KCNAB2: variants seen among roughly 807,000 people sequenced by gnomAD.
The protein encoded by KCNAB2 is voltage-gated potassium channel subunit beta-2.
A neutral mutation model predicts 63.6 loss-of-function variants in KCNAB2; 29 were observed. The ratio of observed to expected loss-of-function variants is 0.46; its 90% CI spans 0.34 to 0.62. KCNAB2 has a LOEUF of 0.62. KCNAB2 is among the 20% of genes least tolerant of loss of function. KCNAB2 has a pLI of 0.01. For synonymous variants in KCNAB2, 222 were observed against 224.2 expected (o/e 0.99, Z 0.09); for missense variants, 359 against 563.9 (o/e 0.64, Z 3.68).
intron 1 of KCNAB2, among the ~76,000 whole-genome samples, chr1:6,039,433 G>T (rs1201372764): frequency 1.3e-5 from 2 of 152,190 alleles, no homozygotes; most frequent in Non-Finnish European, 2.9e-5. Flanking sequence ...GGGGACCCAG[G>T]GGTTCAGGTG....
chr1:6,007,968 C>G (rs1265492549), intron 1 of KCNAB2, among the ~76,000 whole-genome samples: 4 of 152,142 alleles, frequency 2.6e-5, no homozygotes, highest in African/African-American at 4.8e-5. Flanking sequence ...GTCTGGCTCC[C>G]CTCAGTTCAA....
Position 6,074,651 on chromosome 1 carries a change from G to A in KCNAB2, c.300+881G>A, listed in dbSNP as rs1008486952. On this transcript the variant is annotated intron_variant, in intron 4 of 15. Transcript: ENST00000378083. The surrounding 1 kb of genome is among the most constrained non-coding windows in gnomAD (Gnocchi z 4.9). ...TAAATGCGTACAGTTTGTGTTTGAG[G>A]TCACTTTTATCTTTAAGACACTAGC... is the stretch of plus-strand genomic sequence containing the variant. Among the ~76,000 whole-genome samples the A allele has an allele frequency of 6.6e-6, 1 of 152,206 alleles. No homozygotes were observed. The highest frequency in any genetic ancestry group is 1.5e-5 in the Non-Finnish European group (1 of 68,042).
rs896043055 is a variant in KCNAB2 at position 6,085,225 on chromosome 1, C to T, written c.402C>T (p.Asn134=). 5.0e-6 allele frequency: 8 copies of T among 1,613,978 alleles called. No individual in the cohort carries two copies. The African/African-American group carries it at 1.1e-4, about 22-fold the overall frequency. ...AAGKAEVVLG[N]IIKKKGWRRS... ...GCAGGGCTGAAGTGGTACTGGGAAA[C>T]ATCATTAAGAAGAAAGGATGGAGGT... The change falls in exon 6 of 16, where the codon AAC becomes AAT. Residue 134 remains asparagine, a synonymous_variant. Transcript: ENST00000378083.
chr1:6,047,492 C>T (rs1030100802), intron 1 of KCNAB2, among the ~76,000 whole-genome samples: 1 of 152,172 alleles, frequency 6.6e-6, no homozygotes, highest in Non-Finnish European at 1.5e-5. Flanking sequence ...GGAGCCCCCG[C>T]TGTACAGAGT....
chr1:5,997,871 C>T (rs879666670), intron 1 of KCNAB2, among the ~76,000 whole-genome samples: 1 of 152,164 alleles, frequency 6.6e-6, no homozygotes, highest in Admixed American at 6.5e-5. Context: ...CCTATACATG[C>T]CAGTGAAGGG....
Position 6,035,362 on chromosome 1 carries a change from T to A in KCNAB2, c.-53+568T>A, listed in dbSNP as rs1659948064. 6.6e-6 allele frequency among the ~76,000 whole-genome samples: 1 copy of A among 151,990 alleles called. No homozygotes were observed. The highest frequency in any genetic ancestry group is 3.2e-3 in the Middle Eastern group (1 of 316). On this transcript the variant is annotated intron_variant, in intron 1 of 15. Transcript: ENST00000164247. This position sits in a 1 kb window ranked among gnomAD's most constrained non-coding sequence, Gnocchi z 5.0. The stretch of plus-strand genomic sequence containing the variant: ...AGTGAAGCAGTGACATAATCTGACT[T>A]ATGTTCTGGGAGGATCACCCTGGCC...
At chr1:6,041,695 G>A (rs933625616), upstream of KCNAB2, 3 of 726,490 alleles carry the variant, frequency 4.1e-6, no homozygotes, top group East Asian at 2.6e-5. Context: ...CCCTGAGCAG[G>A]CGACTGGTGG....
At chr1:6,037,611 C>G (rs918307852) in intron 1 of KCNAB2, among the ~76,000 whole-genome samples, 15 of 152,188 alleles carry the variant, frequency 9.9e-5, no homozygotes, top group African/African-American at 3.6e-4. Context: ...CACTGTCCTC[C>G]GATCGAAAGC....
At chr1:6,091,216 TC>T (rs1171858256) in intron 9 of KCNAB2, 46 bp from the exon 10 acceptor site, 3 of 1,409,656 alleles carry the variant, frequency 2.1e-6, no homozygotes, top group Non-Finnish European at 2.9e-6. Context: ...CTCTCAGTGC[TC>T]CCAGCTATCA....
rs1657356500 is a variant in KCNAB2 at position 6,003,150 on chromosome 1, C to T, written c.-53+10362C>T. ...CTCCTGAGCCACAGTCACCAGGGTG[C>T]CAGGTAAAGGGAAACCACATGGGGG... On this transcript the variant is annotated intron_variant, in intron 1 of 16. Coordinates refer to the KCNAB2 transcript ENST00000341524. The surrounding 1 kb of genome is among the most constrained non-coding windows in gnomAD (Gnocchi z 4.1). 6.6e-6 allele frequency among the ~76,000 whole-genome samples: 1 copy of T among 152,190 alleles called. No homozygotes were observed. Among genetic ancestry groups the T allele is most frequent in the Non-Finnish European group, 1.5e-5 (1 of 68,020 alleles).
intron 4 of KCNAB2, among the ~76,000 whole-genome samples, chr1:6,079,095 C>T (rs965710712): frequency 2.0e-5 from 3 of 152,178 alleles, no homozygotes; most frequent in Admixed American, 2.0e-4. Flanking sequence ...AGGAGGGCTC[C>T]CCAGGGTTTG....
At chr1:6,072,597 C>G (rs766631339) in intron 2 of KCNAB2, among the ~76,000 whole-genome samples, 158 bp from the exon 3 acceptor site, 31 of 152,178 alleles carry the variant, frequency 2.0e-4, no homozygotes, top group Non-Finnish European at 4.4e-5. Context: ...GGTGGGTGAG[C>G]AGAGGCACCT....
At chr1:6,004,979 G>GGTAGA (rs1240278984) in intron 1 of KCNAB2, among the ~76,000 whole-genome samples, 25 of 128,502 alleles carry the variant, frequency 1.9e-4, no homozygotes, top group East Asian at 4.2e-4. Flanking sequence ...GAGGGATGAG[G>GGTAGA]GTGCAGGCAG....
chr1:6,072,857 T>G, intron 3 of KCNAB2, 59 bp downstream of exon 3: 3 of 1,518,650 alleles, frequency 2.0e-6, no homozygotes, highest in Non-Finnish European at 1.8e-6. Flanking sequence ...AGGCCGGGCA[T>G]GGACTGAACT....
At chr1:6,029,917 G>C (rs2100380984), upstream of KCNAB2, among the ~76,000 whole-genome samples, 1 of 152,336 alleles carries the variant, frequency 6.6e-6, no homozygotes, top group Non-Finnish European at 1.5e-5. Context: ...TTTCAGCTTA[G>C]AGAGAGATCC....
At chr1:6,093,968 G>A (rs1665406230) in intron 10 of KCNAB2, among the ~76,000 whole-genome samples, 1 of 152,112 alleles carries the variant, frequency 6.6e-6, no homozygotes, top group South Asian at 2.1e-4. Context: ...TGTCCCTCCT[G>A]CCGCCAATCT....
In KCNAB2 at chr1:6,069,161, C is replaced by T. The variant is rs575706156; in HGVS notation, c.219-3594C>T. 2.6e-5 allele frequency among the ~76,000 whole-genome samples: 4 copies of T among 152,256 alleles called. No individual in the cohort carries two copies. In the East Asian group the frequency reaches 5.8e-4, roughly 22 times the overall value. On this transcript the variant is annotated intron_variant, in intron 2 of 15. Transcript: ENST00000378083. The surrounding 1 kb of genome is among the most constrained non-coding windows in gnomAD (Gnocchi z 5.4). ...GCCTGGAATCTCGGAGCAGGGCAGGCGTGCAAACATCATCACTGCACGGAG... is the reference window on the plus strand; with the variant it reads ...GCCTGGAATCTCGGAGCAGGGCAGGTGTGCAAACATCATCACTGCACGGAG...
rs1659051552 is a variant in KCNAB2 at position 6,024,992 on chromosome 1, G to C, written c.-52-15525G>C. Among the ~76,000 whole-genome samples, 2 of 152,116 alleles carry C rather than the reference G, an allele frequency of 1.3e-5. No homozygotes were observed. Among genetic ancestry groups the C allele is most frequent in the Admixed American group, 1.3e-4 (2 of 15,284 alleles). ...GCAAGGCCCAGAGCTGGCTCAACAT[G>C]GGTTGCTGTCCCCCAGCTCTCCGTC... On this transcript the variant is annotated intron_variant, in intron 1 of 16. Transcript: ENST00000341524. This position sits in a 1 kb window ranked among gnomAD's most constrained non-coding sequence, Gnocchi z 5.4.
chr1:6,064,941 C>T lies in KCNAB2; in HGVS notation c.219-7814C>T, dbSNP rs140749775. On this transcript the variant is annotated intron_variant, in intron 2 of 15. Transcript: ENST00000378083. ...CACTGATTGCAGAGTATGTATTGAG[C>T]GTCTGCTGTAACCTAAGTTTTACTG... Among the ~76,000 whole-genome samples, 179 of 152,294 alleles carry T rather than the reference C, an allele frequency of 1.2e-3. 2 individuals carry two copies. The highest frequency in any genetic ancestry group is 4.0e-3 in the African/African-American group (165 of 41,556).
Sources: allele counts gnomAD v4.1 joint callset (sites outside exome capture counted in the v4.1 genomes callset), GRCh38; gene constraint gnomAD v4.1.1; non-coding constraint Gnocchi (gnomAD v3.1); transcripts MANE v1.5; gene names NCBI Gene and HGNC (gene_info 2026-07-23, HGNC 2026-07-21).